The following CCDC178 variants were observed in gnomAD, a reference collection of about 807,000 sequenced individuals.
CCDC178 encodes coiled-coil domain-containing protein 178.
CCDC178 carries 126 observed loss-of-function variants against 117.4 expected under a neutral mutation model. The ratio of observed to expected loss-of-function variants is 1.07; its 90% CI spans 0.93 to 1.24. CCDC178 has a LOEUF of 1.24. Among genes scored for constraint, CCDC178 ranks in the 50% most tolerant of loss-of-function variants. CCDC178 has a pLI of 0.00. For missense variants in CCDC178, 1,030 were observed against 986.9 expected (o/e 1.04, Z -0.59); for synonymous variants, 283 against 313.4 (o/e 0.90, Z 1.02).
intron 10 of CCDC178, chr18:33,328,192 C>T: frequency 3.8e-6 from 1 of 266,534 alleles, no homozygotes. Flanking sequence ...ACCCCCGCCC[C>T]ACCGGGCTCA....
At chr18:33,125,309 T>A (rs990900832) in intron 20 of CCDC178, among the ~76,000 whole-genome samples, 2 of 152,186 alleles carry the variant, frequency 1.3e-5, no homozygotes, top group Admixed American at 1.3e-4. Context: ...AAATTTTTAA[T>A]AAGAACTAGA....
At chr18:33,100,416 A>T (rs1204752273) in intron 20 of CCDC178, among the ~76,000 whole-genome samples, 1 of 151,946 alleles carries the variant, frequency 6.6e-6, no homozygotes, top group South Asian at 2.1e-4. Flanking sequence ...AAAACACACA[A>T]TTTCATGGCA....
At chr18:33,030,434 G>T (rs979192978) in intron 21 of CCDC178, among the ~76,000 whole-genome samples, 1 of 151,948 alleles carries the variant, frequency 6.6e-6, no homozygotes, top group Admixed American at 6.6e-5. Flanking sequence ...CTTTAGATTA[G>T]ATTGTTTAAT....
chr18:33,167,056 TGCTTAGGATAATG>T (rs1261891402), intron 20 of CCDC178, among the ~76,000 whole-genome samples: 1 of 152,180 alleles, frequency 6.6e-6, no homozygotes, highest in Non-Finnish European at 1.5e-5. Flanking sequence ...TGTGTTAGTT[TGCTTAGGATAATG>T]GCCTCCAGCT....
At chr18:33,395,610 C>A (rs983740230) in intron 4 of CCDC178, among the ~76,000 whole-genome samples, 2 of 152,032 alleles carry the variant, frequency 1.3e-5, no homozygotes, top group Admixed American at 6.6e-5. Context: ...GACACTCTAC[C>A]GAAGCCTCTA....
At chr18:33,280,125 T>G (rs2060002966) in intron 12 of CCDC178, among the ~76,000 whole-genome samples, 1 of 151,086 alleles carries the variant, frequency 6.6e-6, no homozygotes, top group Admixed American at 6.6e-5. Context: ...ACTCAAGAGC[T>G]TCTGCACAGC....
intron 21 of CCDC178, among the ~76,000 whole-genome samples, chr18:33,011,809 G>T (rs1429205293): frequency 3.1e-5 from 2 of 64,938 alleles, no homozygotes; most frequent in African/African-American, 9.3e-5. Context: ...AAAAAAAAAA[G>T]GACACAGGAA....
chr18:33,275,222 G>A (rs1205482347), intron 12 of CCDC178, among the ~76,000 whole-genome samples: 1 of 151,920 alleles, frequency 6.6e-6, no homozygotes, highest in East Asian at 1.9e-4. Context: ...GGAAAAATGA[G>A]AGAAATCATA....
At chr18:33,106,528 A>G (rs1376049103) in intron 20 of CCDC178, among the ~76,000 whole-genome samples, 2 of 151,688 alleles carry the variant, frequency 1.3e-5, no homozygotes, top group Admixed American at 1.3e-4. Context: ...GAATAGGAAC[A>G]CTTATGGACA....
intron 20 of CCDC178, among the ~76,000 whole-genome samples, chr18:33,140,141 G>A (rs2144293131): frequency 6.6e-6 from 1 of 152,332 alleles, no homozygotes; most frequent in African/African-American, 2.4e-5. Context: ...AGATTTCAGA[G>A]GATGTATGGA....
chr18:33,341,362 A>G (rs562040002), intron 9 of CCDC178, among the ~76,000 whole-genome samples: 19 of 152,346 alleles, frequency 1.2e-4, no homozygotes, highest in African/African-American at 4.6e-4. Flanking sequence ...GCCTTGTCTC[A>G]GATGAGACTT....
intron 20 of CCDC178, among the ~76,000 whole-genome samples, chr18:33,119,036 T>C (rs2057898990): frequency 6.6e-6 from 1 of 152,056 alleles, no homozygotes; most frequent in Admixed American, 6.6e-5. Context: ...CAAAAATTAA[T>C]TAAAGATGAA....
chr18:33,247,075 C>CGTGTGTGTGT lies in CCDC178; in HGVS notation c.1410-1657_1410-1648dup, dbSNP rs150159104. ...TATGTGTATATATGTAAGTGTGTTACGTGTGTGTGTGTGTGTGTGAGAGAG... is the reference window on the plus strand; with the variant it reads ...TATGTGTATATATGTAAGTGTGTTACGTGTGTGTGTGTGTGTGTGTGTGTGTGTGAGAGAG... On this transcript the variant is annotated intron_variant, in intron 14 of 22. Coordinates refer to ENST00000383096, the MANE Select transcript of CCDC178 (RefSeq NM_001105528.4). Among the ~76,000 whole-genome samples, 16 of 147,754 alleles carry CGTGTGTGTGT rather than the reference C, an allele frequency of 1.1e-4. No individual in the cohort carries two copies. The East Asian group carries it at 2.4e-3, about 22-fold the overall frequency.
At chr18:33,251,130 T>C (rs1384819991) in intron 14 of CCDC178, among the ~76,000 whole-genome samples, 8 of 151,590 alleles carry the variant, frequency 5.3e-5, no homozygotes, top group Non-Finnish European at 7.4e-5. Flanking sequence ...AAAGTTTTGC[T>C]ACAAAAAAAA....
chr18:33,297,448 A>C (rs1227796038), intron 11 of CCDC178, among the ~76,000 whole-genome samples: 1 of 152,178 alleles, frequency 6.6e-6, no homozygotes, highest in Non-Finnish European at 1.5e-5. Context: ...ACAAAGAAAA[A>C]AAGGGAAGAC....
chr18:33,059,315 A>G (rs947695588), intron 21 of CCDC178, among the ~76,000 whole-genome samples: 14 of 152,308 alleles, frequency 9.2e-5, no homozygotes, highest in African/African-American at 3.1e-4. Flanking sequence ...TCTGCCTTCA[A>G]TATTTCAGCT....
At chr18:33,318,823 G>C (rs1220916628) in intron 11 of CCDC178, among the ~76,000 whole-genome samples, 3 of 152,024 alleles carry the variant, frequency 2.0e-5, no homozygotes, top group Admixed American at 6.6e-5. Context: ...AAAACTGAAA[G>C]TCAAATGGTC....
At chr18:33,019,197 T>C (rs2056061656) in intron 21 of CCDC178, among the ~76,000 whole-genome samples, 1 of 152,156 alleles carries the variant, frequency 6.6e-6, no homozygotes, top group Non-Finnish European at 1.5e-5. Flanking sequence ...TAAAAATAAA[T>C]GAATGAATAA....
At chr18:33,108,917 T>TGC (rs2057743023) in intron 20 of CCDC178, among the ~76,000 whole-genome samples, 1 of 151,640 alleles carries the variant, frequency 6.6e-6, no homozygotes, top group Admixed American at 6.6e-5. Flanking sequence ...ATTCAGCAAA[T>TGC]AAGCAAGATA....
Sources: allele counts gnomAD v4.1 joint callset (sites outside exome capture counted in the v4.1 genomes callset), GRCh38; gene constraint gnomAD v4.1.1; transcripts MANE v1.5; gene names NCBI Gene and HGNC (gene_info 2026-07-23, HGNC 2026-07-21).